Variants in TDRP observed in about 807,000 individuals in gnomAD.
TDRP encodes the protein testis development related protein.
In TDRP, 12 loss-of-function variants were observed where a neutral mutation model predicts 10.5. The observed-to-expected ratio is 1.15, with a 90% CI of 0.73 to 1.86. The LOEUF is 1.86. Among genes scored for constraint, TDRP ranks in the 40% most tolerant of loss-of-function variants. The pLI, the probability that TDRP is intolerant of heterozygous loss-of-function variation, is 0.00. For missense variants in TDRP, 353 were observed against 229.2 expected, an observed-to-expected ratio of 1.54 and a Z score of -3.49; for synonymous variants, 139 against 95.4, an observed-to-expected ratio of 1.46 and a Z score of -2.67.
intron 1 of TDRP, among the ~76,000 whole-genome samples, chr8:540,037 A>C (rs898133914): frequency 6.6e-6 from 1 of 152,180 alleles, no homozygotes; most frequent in Non-Finnish European, 1.5e-5. Flanking sequence ...CCAAATCCCT[A>C]TGCAATCCAG....
chr8:535,066 C>A (rs1415859716), intron 1 of TDRP, among the ~76,000 whole-genome samples: 1 of 152,178 alleles, frequency 6.6e-6, no homozygotes, highest in African/African-American at 2.4e-5. Context: ...GAATATCTGC[C>A]ATTTAGTCTA....
chr8:513,730 C>G (rs1801678356), intron 1 of TDRP, among the ~76,000 whole-genome samples: 1 of 152,192 alleles, frequency 6.6e-6, no homozygotes, highest in Non-Finnish European at 1.5e-5. Flanking sequence ...ATAACATGAT[C>G]TTTTGCATAC....
intron 1 of TDRP, 117 bp downstream of exon 1, chr8:544,533 C>T: frequency 1.5e-6 from 1 of 679,862 alleles, no homozygotes; most frequent in Non-Finnish European, 2.1e-6. Context: ...CCAACCTCAC[C>T]TGCCCGCCCA....
At chr8:502,016 C>A (rs952577850) in intron 1 of TDRP, among the ~76,000 whole-genome samples, 5 of 152,198 alleles carry the variant, frequency 3.3e-5, no homozygotes, top group African/African-American at 1.2e-4. Flanking sequence ...AGGGAGGACT[C>A]TGGGAAGAGT....
chr8:517,655 G>C (rs950462747), intron 1 of TDRP, among the ~76,000 whole-genome samples: 2 of 152,138 alleles, frequency 1.3e-5, no homozygotes, highest in East Asian at 3.8e-4. Context: ...TACATGTATT[G>C]ATTTAAAACT....
At chr8:520,803 T>G (rs774786419) in intron 1 of TDRP, among the ~76,000 whole-genome samples, 1 of 152,246 alleles carries the variant, frequency 6.6e-6, no homozygotes, top group Non-Finnish European at 1.5e-5. Flanking sequence ...TTGTTGTTGT[T>G]TGGTCATAGG....
chr8:535,983 AAT>A (rs776952878), intron 1 of TDRP, among the ~76,000 whole-genome samples: 3 of 152,184 alleles, frequency 2.0e-5, no homozygotes, highest in Non-Finnish European at 2.9e-5. Context: ...CTCTAATAAG[AAT>A]AGCAGCTTTT....
intron 1 of TDRP, among the ~76,000 whole-genome samples, chr8:515,377 T>A (rs1334090669): frequency 6.6e-6 from 1 of 152,190 alleles, no homozygotes; most frequent in African/African-American, 2.4e-5. Context: ...GAAAGTACAG[T>A]TTGAGTGCCC....
chr8:511,873 G>GT (rs1801628929), intron 1 of TDRP, among the ~76,000 whole-genome samples: 1 of 152,064 alleles, frequency 6.6e-6, no homozygotes, highest in East Asian at 1.9e-4. Context: ...TGTAAACAAA[G>GT]TGAAGACACA....
rs369925071 is a variant in TDRP at position 517,782 on chromosome 8, A to T, written c.109-23185T>A. ...AAATTGTCATTGTGTCTCAGAATAA[A>T]TCTATTCAAATATTTTACAGAGTTT... On this transcript the variant is annotated intron_variant, in intron 1 of 2. Transcript: ENST00000324079. Among the ~76,000 whole-genome samples the T allele has an allele frequency of 7.9e-4, 120 of 152,332 alleles. 1 individual carries two copies. The highest frequency in any genetic ancestry group is 2.7e-3 in the African/African-American group (114 of 41,570).
rs1800927445 is a variant in TDRP at position 490,133 on chromosome 8, C to G, written c.*2266G>C. ...CACCCAGAATCAAAACCACATTCTC[C>G]CATTAACTTGTGAAGATAATAAATT... On this transcript the variant is annotated 3_prime_UTR_variant, in exon 3 of 3. Transcript: ENST00000324079. The G allele has an allele frequency of 6.6e-6, 1 of 152,274 alleles. No homozygotes were observed. Among genetic ancestry groups the G allele is most frequent in the Non-Finnish European group, 1.5e-5 (1 of 68,026 alleles). The allele number at this position is 152,274 out of a possible 1,614,324, so 9.4% of individuals were successfully genotyped here.
intron 1 of TDRP, among the ~76,000 whole-genome samples, chr8:511,355 AT>A (rs998894546): frequency 5.3e-5 from 8 of 152,266 alleles, no homozygotes; most frequent in East Asian, 3.9e-4. Flanking sequence ...AGTTTAAAAA[AT>A]TTTTTTTAAT....
intron 1 of TDRP, among the ~76,000 whole-genome samples, chr8:500,345 G>A (rs1385152343): frequency 6.6e-6 from 1 of 152,152 alleles, no homozygotes; most frequent in Non-Finnish European, 1.5e-5. Flanking sequence ...AGGACCTCTG[G>A]CTGGCATTGA....
At chr8:512,668 G>A (rs1171013122) in intron 1 of TDRP, among the ~76,000 whole-genome samples, 1 of 151,976 alleles carries the variant, frequency 6.6e-6, no homozygotes, top group Non-Finnish European at 1.5e-5. Flanking sequence ...CACAAAATCT[G>A]AATACATATA....
chr8:494,421 T>C, intron 2 of TDRP, 73 bp downstream of exon 2: 1 of 1,464,704 alleles, frequency 6.8e-7, no homozygotes, highest in South Asian at 1.2e-5. Flanking sequence ...TGCCATCAAA[T>C]CTTCATTTCC....
intron 1 of TDRP, among the ~76,000 whole-genome samples, chr8:523,456 C>A (rs955603200): frequency 6.6e-6 from 1 of 152,148 alleles, no homozygotes; most frequent in African/African-American, 2.4e-5. Flanking sequence ...AGCTTGGGTA[C>A]CAGCTCAGCC....
At chr8:542,233 T>C (rs1802513175) in intron 1 of TDRP, among the ~76,000 whole-genome samples, 2 of 152,272 alleles carry the variant, frequency 1.3e-5, no homozygotes, top group Non-Finnish European at 1.5e-5. Context: ...AGATCAATGT[T>C]TGCCAGGGGT....
rs148202821 is a variant in TDRP at position 492,321 on chromosome 8, C to T, written c.*78G>A. On this transcript the variant is annotated 3_prime_UTR_variant, in exon 3 of 3. Coordinates refer to ENST00000324079, the MANE Select transcript of TDRP (RefSeq NM_001384899.1). ...AAAGTAGACTCTCTATTCTTTCTAA[C>T]GCGGAAAAGACTCAACAACTACATG... is the stretch of plus-strand genomic sequence containing the variant. 7,089 of 1,385,038 alleles carry T rather than the reference C, an allele frequency of 5.1e-3. 52 individuals carry two copies. The highest frequency in any genetic ancestry group is 0.038 in the African/African-American group (2,598 of 68,440). The allele number at this position is 1,385,038 out of a possible 1,614,324, so 85.8% of individuals were successfully genotyped here. A position where few individuals can be genotyped will look rare whatever the true frequency, so the allele number is the denominator to read the frequency against.
chr8:521,734 A>T (rs1328719680), intron 1 of TDRP, among the ~76,000 whole-genome samples: 1 of 151,926 alleles, frequency 6.6e-6, no homozygotes, highest in Non-Finnish European at 1.5e-5. Context: ...GTCATTTGAG[A>T]TTCTATATGA....
Sources: allele counts gnomAD v4.1 joint callset (sites outside exome capture counted in the v4.1 genomes callset), GRCh38; gene constraint gnomAD v4.1.1; transcripts MANE v1.5; gene names NCBI Gene and HGNC (gene_info 2026-07-23, HGNC 2026-07-21).